SMPDL3A: variants seen among roughly 807,000 people sequenced by gnomAD.
SMPDL3A encodes sphingomyelin phosphodiesterase acid like 3A.
Under a neutral mutation model 38.5 loss-of-function variants are expected in SMPDL3A, and 39 were observed. The ratio of observed to expected loss-of-function variants is 1.01; its 90% CI spans 0.78 to 1.32. The LOEUF is 1.32. Ranked by LOEUF, SMPDL3A falls within the 40% of genes most tolerant of loss-of-function variation. SMPDL3A has a pLI of 0.00. For missense variants in SMPDL3A, 502 were observed against 536.2 expected (o/e 0.94, Z 0.63); for synonymous variants, 180 against 194.3 (o/e 0.93, Z 0.61).
chr6:122,806,428 A>C, intron 7 of SMPDL3A, 71 bp downstream of exon 7: 1 of 1,467,880 alleles, frequency 6.8e-7, no homozygotes, highest in Non-Finnish European at 9.3e-7. Context: ...ATTTAGTTGA[A>C]TTTTTCTCAG....
chr6:122,805,654 T>C (rs1781586895), intron 6 of SMPDL3A, among the ~76,000 whole-genome samples: 1 of 152,230 alleles, frequency 6.6e-6, no homozygotes, highest in Admixed American at 6.5e-5. Context: ...AGACGGAGCC[T>C]CGCTCTGTTG....
intron 2 of SMPDL3A, 43 bp downstream of exon 2, chr6:122,795,933 TAC>T (rs1475929204): frequency 1.5e-6 from 2 of 1,375,136 alleles, no homozygotes; most frequent in South Asian, 2.4e-5. Context: ...AATATTTATT[TAC>T]AGTGTCCTAA....
In SMPDL3A at chr6:122,801,979, T is replaced by C. The variant is rs143702949; in HGVS notation, c.568+573T>C. On this transcript the variant is annotated intron_variant, in intron 4 of 7. Coordinates refer to ENST00000368440, the MANE Select transcript of SMPDL3A (RefSeq NM_006714.5). ...GTGTGCAGCTGTTAAACTAAGACTTTGGTGTTTTCAGAATGTTGAGACAAA... is the reference window on the plus strand; with the variant it reads ...GTGTGCAGCTGTTAAACTAAGACTTCGGTGTTTTCAGAATGTTGAGACAAA... 1.6e-4 allele frequency among the ~76,000 whole-genome samples: 25 copies of C among 152,292 alleles called. 1 individual carries two copies. In the East Asian group the frequency reaches 4.2e-3, roughly 26 times the overall value.
chr6:122,801,390 T>G lies in SMPDL3A; in HGVS notation c.552T>G (p.Ile184Met). 6.2e-7 allele frequency: 1 copy of G among 1,607,978 alleles called. No individual in the cohort carries two copies. Among genetic ancestry groups the G allele is most frequent in the Non-Finnish European group, 8.5e-7 (1 of 1,174,384 alleles). The stretch of plus-strand genomic sequence containing the variant: ...AACCATGGCTAGATGAAGAAGCTAT[T>G]AGTACTTTAAGGAAAGGTAAGTGAA... ...LWKPWLDEEA[I>M]STLRKGGFYS... Residue 184 changes from isoleucine to methionine, a missense_variant, in exon 4 of 8, where the codon ATT (isoleucine) becomes ATG (methionine). By Grantham distance (10) the Ile-to-Met change is conservative. Coordinates refer to ENST00000368440, the MANE Select transcript of SMPDL3A (RefSeq NM_006714.5).
At chr6:122,803,024 T>A (rs575282880) in intron 4 of SMPDL3A, among the ~76,000 whole-genome samples, 1 of 152,330 alleles carries the variant, frequency 6.6e-6, no homozygotes, top group South Asian at 2.1e-4. Flanking sequence ...GGGGCAGTGA[T>A]CCATCATGAT....
chr6:122,806,711 C>G (rs968706717), intron 7 of SMPDL3A, among the ~76,000 whole-genome samples: 3 of 151,938 alleles, frequency 2.0e-5, no homozygotes, highest in African/African-American at 7.3e-5. Flanking sequence ...AGTGTAGGCT[C>G]TGTTACCATT....
intron 7 of SMPDL3A, among the ~76,000 whole-genome samples, chr6:122,808,601 C>CCCTTCCTTCCTT (rs1446631711): frequency 3.2e-4 from 17 of 53,112 alleles, no homozygotes; most frequent in South Asian, 1.3e-3. Flanking sequence ...CTTCCTCCCT[C>CCCTTCCTTCCTT]CCTCCCTCCC....
In SMPDL3A at chr6:122,803,884, G is replaced by C. The variant is rs761220990; in HGVS notation, c.738+51G>C. The C allele has an allele frequency of 3.9e-6, 6 of 1,523,966 alleles. No individual in the cohort carries two copies. In the Middle Eastern group the frequency reaches 5.2e-4, roughly 131 times the overall value. The allele number at this position is 1,523,966 out of a possible 1,614,324, so 94.4% of individuals were successfully genotyped here. ...TGGGAATAAACGGAAGGCAAAATTT[G>C]TATGTTTATTAAACTCGGGGTAGAC... is the stretch of plus-strand genomic sequence containing the variant. On this transcript the variant is annotated intron_variant, in intron 5 of 7. Coordinates refer to ENST00000368440, the MANE Select transcript of SMPDL3A (RefSeq NM_006714.5).
chr6:122,806,291 A>AC lies in SMPDL3A; in HGVS notation c.978_979insC (p.Glu327ArgfsTer15). ...CTGTTACACCAGTGAAGAGTGTTTT[A>AC]GAAAAACAGACCAACAATCCTGGTA... On this transcript the variant is annotated frameshift_variant, in exon 7 of 8. Coordinates refer to ENST00000368440, the MANE Select transcript of SMPDL3A (RefSeq NM_006714.5). LOFTEE classifies it high-confidence loss of function. 6.2e-7 allele frequency: 1 copy of AC among 1,613,362 alleles called. No homozygotes were observed. The highest frequency in any genetic ancestry group is 8.5e-7 in the Non-Finnish European group (1 of 1,179,452).
chr6:122,803,900 C>A, intron 5 of SMPDL3A, 67 bp downstream of exon 5: 2 of 1,311,024 alleles, frequency 1.5e-6, no homozygotes, highest in South Asian at 1.3e-5. Flanking sequence ...TTATTAAACT[C>A]GGGGTAGACT....
In SMPDL3A at chr6:122,809,506, GTAGACT is replaced by G. The variant is rs1781779308; in HGVS notation, c.*100_*105del. 6 of 822,446 alleles carry G rather than the reference GTAGACT, an allele frequency of 7.3e-6. No individual in the cohort carries two copies. The East Asian group carries it at 1.6e-4, about 21-fold the overall frequency. 50.9% of individuals were successfully genotyped at this position (822,446 alleles called of 1,614,324 possible). On this transcript the variant is annotated 3_prime_UTR_variant, in exon 8 of 8. Coordinates refer to ENST00000368440, the MANE Select transcript of SMPDL3A (RefSeq NM_006714.5). ...TCTTTGTTAATTACTGAGTGGGCAA[GTAGACT>G]TCCTGTCTTTGCTTTCTTTTTTTTT...
chr6:122,796,930 G>A lies in SMPDL3A; in HGVS notation c.433G>A (p.Val145Ile), dbSNP rs764756896. The A allele has an allele frequency of 6.2e-7, 1 of 1,613,680 alleles. No individual in the cohort carries two copies. Among genetic ancestry groups the A allele is most frequent in the Non-Finnish European group, 8.5e-7 (1 of 1,179,766 alleles). The change falls in exon 3 of 8, where the codon GTT becomes ATT. Residue 145 changes from valine to isoleucine, a missense_variant. Physicochemically the swap from Val to Ile is conservative, Grantham distance 29. Coordinates refer to ENST00000368440, the MANE Select transcript of SMPDL3A (RefSeq NM_006714.5). ...CCAGAGTCTCTTTCCAAATCTCCAG[G>A]TTTTCCCTGCGCTGGGTAATCATGA... Reference protein sequence around the residue: ...TIQSLFPNLQVFPALGNHDYW... With the variant: ...TIQSLFPNLQIFPALGNHDYW...
intron 7 of SMPDL3A, among the ~76,000 whole-genome samples, chr6:122,806,679 C>T (rs1454116918): frequency 6.6e-6 from 1 of 152,140 alleles, no homozygotes; most frequent in African/African-American, 2.4e-5. Context: ...TTCTTCTTCT[C>T]CAGAATATAA....
intron 4 of SMPDL3A, 72 bp from the exon 5 acceptor site, chr6:122,803,592 A>T: frequency 8.7e-7 from 1 of 1,152,250 alleles, no homozygotes; most frequent in Non-Finnish European, 1.3e-6. Context: ...TGTAAACCTC[A>T]GGAATTTGCT....
At chr6:122,802,300 C>G (rs748642438) in intron 4 of SMPDL3A, among the ~76,000 whole-genome samples, 12 of 150,916 alleles carry the variant, frequency 8.0e-5, no homozygotes, top group Non-Finnish European at 1.3e-4. Flanking sequence ...CTCCTGGTTT[C>G]AAGCGATTCT....
chr6:122,808,605 C>CCTTCCTTCCTTCCTTCCTTCCTTCCTT (rs1562357673), intron 7 of SMPDL3A, among the ~76,000 whole-genome samples: 1 of 64,714 alleles, frequency 1.5e-5, no homozygotes, highest in South Asian at 9.4e-4. Context: ...CTCCCTCCCT[C>CCTTCCTTCCTTCCTTCCTTCCTTCCTT]CCTCCCTTCC....
At chr6:122,794,159 C>A (rs1381799648) in intron 1 of SMPDL3A, among the ~76,000 whole-genome samples, 1 of 152,066 alleles carries the variant, frequency 6.6e-6, no homozygotes, top group Non-Finnish European at 1.5e-5. Flanking sequence ...AAAATGAGGA[C>A]CATAATTCCC....
chr6:122,806,321 A>C lies in SMPDL3A; in HGVS notation c.1008A>C (p.Arg336Ser). The change falls in exon 7 of 8, where the codon AGA becomes AGC. Residue 336 changes from arginine to serine, a missense_variant. Physicochemically the swap from Arg to Ser is moderately radical, Grantham distance 110. Coordinates refer to ENST00000368440, the MANE Select transcript of SMPDL3A (RefSeq NM_006714.5). ...LEKQTNNPGI[R>S]LFQYDPRDYK... ...AACAGACCAACAATCCTGGTATCAGACTGTTTCAGTATGATCCTCGTGATT... is the reference window on the plus strand; with the variant it reads ...AACAGACCAACAATCCTGGTATCAGCCTGTTTCAGTATGATCCTCGTGATT... The C allele has an allele frequency of 1.2e-6, 2 of 1,613,438 alleles. No homozygotes were observed. Among genetic ancestry groups the C allele is most frequent in the Middle Eastern group, 1.7e-4 (1 of 6,054 alleles).
chr6:122,795,237 G>A (rs2115163079), intron 1 of SMPDL3A, among the ~76,000 whole-genome samples: 1 of 152,230 alleles, frequency 6.6e-6, no homozygotes, highest in Admixed American at 6.5e-5. Flanking sequence ...CACCTCCCGG[G>A]TTTAAGTGAT....
Sources: allele counts gnomAD v4.1 joint callset (sites outside exome capture counted in the v4.1 genomes callset), GRCh38; gene constraint gnomAD v4.1.1; transcripts MANE v1.5; gene names NCBI Gene and HGNC (gene_info 2026-07-23, HGNC 2026-07-21).